The following MFHAS1 variants were observed in gnomAD, a reference collection of about 807,000 sequenced individuals.
MFHAS1 encodes malignant fibrous histiocytoma-amplified sequence 1.
MFHAS1 carries 50 observed loss-of-function variants against 70.4 expected under a neutral mutation model. The ratio of observed to expected loss-of-function variants is 0.71; its 90% confidence interval spans 0.57 to 0.90. MFHAS1 has a LOEUF of 0.90. Among genes scored for constraint, MFHAS1 ranks in the 40% least tolerant of loss-of-function variants. MFHAS1 has a pLI of 0.00. For missense variants in MFHAS1, 1,795 were observed against 1,347.6 expected, an observed-to-expected ratio of 1.33 and a Z score of -5.20; for synonymous variants, 952 against 620.0, an observed-to-expected ratio of 1.54 and a Z score of -7.96.
At chr8:8,819,086 A>T (rs1012789549) in intron 1 of MFHAS1, among the ~76,000 whole-genome samples, 2 of 151,006 alleles carry the variant, frequency 1.3e-5, no homozygotes, top group African/African-American at 4.8e-5. Flanking sequence ...GTCGGCTTAT[A>T]TAATGGAATA....
At chr8:8,831,260 G>T (rs1807376860) in intron 1 of MFHAS1, among the ~76,000 whole-genome samples, 1 of 151,900 alleles carries the variant, frequency 6.6e-6, no homozygotes, top group Non-Finnish European at 1.5e-5. Flanking sequence ...TATACATTGG[G>T]GGTTGGGGCT....
chr8:8,831,049 G>A (rs939532318), intron 1 of MFHAS1, among the ~76,000 whole-genome samples: 1 of 151,960 alleles, frequency 6.6e-6, no homozygotes, highest in African/African-American at 2.4e-5. Flanking sequence ...CCAAGATCAG[G>A]GTGCCTGCAT....
chr8:8,888,135 T>C (rs527529321), intron 1 of MFHAS1, among the ~76,000 whole-genome samples: 1 of 152,330 alleles, frequency 6.6e-6, no homozygotes, highest in South Asian at 2.1e-4. Context: ...CTGAAGAGTC[T>C]ACCAAGTCAT....
chr8:8,860,190 A>G (rs543759196), intron 1 of MFHAS1, among the ~76,000 whole-genome samples: 1 of 152,318 alleles, frequency 6.6e-6, no homozygotes, highest in Admixed American at 6.5e-5. Flanking sequence ...CCACAGAAAG[A>G]GCACAGAACA....
At chr8:8,833,736 A>G (rs1419633708) in intron 1 of MFHAS1, among the ~76,000 whole-genome samples, 3 of 152,238 alleles carry the variant, frequency 2.0e-5, no homozygotes, top group Non-Finnish European at 2.9e-5. Context: ...GCTTACACAA[A>G]GCCTTACATG....
intron 1 of MFHAS1, among the ~76,000 whole-genome samples, chr8:8,820,798 A>T (rs923768308): frequency 6.6e-6 from 1 of 152,210 alleles, no homozygotes; most frequent in East Asian, 1.9e-4. Context: ...GGTGGCCTTG[A>T]CCAAGTGCGA....
chr8:8,890,019 T>C, intron 1 of MFHAS1, 42 bp downstream of exon 1: 1 of 1,469,750 alleles, frequency 6.8e-7, no homozygotes, highest in Middle Eastern at 1.8e-4. Flanking sequence ...AAAACATATC[T>C]TACAGCATAC....
Position 8,892,658 on chromosome 8 carries a change from A to G in MFHAS1, c.401T>C (p.Leu134Pro). 1 of 1,591,890 alleles carries G rather than the reference A, an allele frequency of 6.3e-7. No individual in the cohort carries two copies. The highest frequency in any genetic ancestry group is 1.8e-5 in the Admixed American group (1 of 56,508). Residue 134 changes from leucine to proline, a missense_variant, in exon 1 of 3, where the codon CTG (leucine) becomes CCG (proline). Physicochemically the swap from Leu to Pro is moderately conservative, Grantham distance 98 (BLOSUM62 -3). Transcript: ENST00000276282. This position sits in a 1 kb window ranked among gnomAD's most constrained non-coding sequence, Gnocchi z 4.7. Reference sequence around the variant, plus strand: ...GAGGTTGAGCTTCCGCAGCTCCCTCAGAGCACTCACCACCTCCGCGCCCAG... The same window carrying G: ...GAGGTTGAGCTTCCGCAGCTCCCTCGGAGCACTCACCACCTCCGCGCCCAG... ...TALGAEVVSA[L>P]RELRKLNLSH...
At chr8:8,861,574 A>T (rs1465539641) in intron 1 of MFHAS1, among the ~76,000 whole-genome samples, 1 of 152,234 alleles carries the variant, frequency 6.6e-6, no homozygotes, top group Non-Finnish European at 1.5e-5. Context: ...TAAATTAACA[A>T]GATATAATAA....
intron 1 of MFHAS1, among the ~76,000 whole-genome samples, chr8:8,872,224 G>A (rs940956199): frequency 1.1e-4 from 16 of 152,186 alleles, no homozygotes; most frequent in African/African-American, 3.6e-4. Context: ...TATGACCAAA[G>A]AATCGGGATT....
chr8:8,863,776 T>C (rs1416863314), intron 1 of MFHAS1, among the ~76,000 whole-genome samples: 1 of 152,202 alleles, frequency 6.6e-6, no homozygotes, highest in Non-Finnish European at 1.5e-5. Context: ...AATCTATTAA[T>C]ATGCAGTTTC....
At chr8:8,869,694 T>C (rs1477757984) in intron 1 of MFHAS1, among the ~76,000 whole-genome samples, 1 of 152,210 alleles carries the variant, frequency 6.6e-6, no homozygotes, top group Non-Finnish European at 1.5e-5. Context: ...GCTTTCTGTT[T>C]TTTAAAACAT....
At chr8:8,786,913 C>T (rs1805563542) in intron 2 of MFHAS1, among the ~76,000 whole-genome samples, 1 of 151,886 alleles carries the variant, frequency 6.6e-6, no homozygotes, top group African/African-American at 2.4e-5. Context: ...ATAACGACAT[C>T]ACCAAAACAA....
At chr8:8,807,563 T>A (rs1806340584) in intron 1 of MFHAS1, among the ~76,000 whole-genome samples, 1 of 152,210 alleles carries the variant, frequency 6.6e-6, no homozygotes, top group African/African-American at 2.4e-5. Context: ...TTGCCTTTCA[T>A]CAGTTGATTT....
intron 1 of MFHAS1, among the ~76,000 whole-genome samples, chr8:8,822,592 C>T (rs1807002504): frequency 7.0e-6 from 1 of 143,434 alleles, no homozygotes; most frequent in African/African-American, 2.7e-5. Context: ...GGGACCAAAT[C>T]AGGGGGAATG....
chr8:8,806,885 C>T (rs1047617247), intron 1 of MFHAS1, among the ~76,000 whole-genome samples: 2 of 151,884 alleles, frequency 1.3e-5, no homozygotes, highest in Non-Finnish European at 2.9e-5. Context: ...CGCTTGAACC[C>T]GGGAGGCAGA....
chr8:8,817,400 T>C (rs1174477006), intron 1 of MFHAS1, among the ~76,000 whole-genome samples: 3 of 152,266 alleles, frequency 2.0e-5, no homozygotes, highest in South Asian at 2.1e-4. Flanking sequence ...GTATGGGCAG[T>C]TGCCAACCTA....
intron 2 of MFHAS1, among the ~76,000 whole-genome samples, chr8:8,795,266 G>C (rs1052710194): frequency 1.3e-5 from 2 of 152,058 alleles, no homozygotes; most frequent in African/African-American, 4.8e-5. Flanking sequence ...CCTCACCCAG[G>C]TGTATCTGAA....
intron 1 of MFHAS1, among the ~76,000 whole-genome samples, chr8:8,872,950 A>T (rs1809136567): frequency 6.6e-6 from 1 of 152,172 alleles, no homozygotes. Flanking sequence ...TGCAAGAGTG[A>T]GACGGAGACA....
Sources: allele counts gnomAD v4.1 joint callset (sites outside exome capture counted in the v4.1 genomes callset), GRCh38; gene constraint gnomAD v4.1.1; non-coding constraint Gnocchi (gnomAD v3.1); transcripts MANE v1.5; gene names NCBI Gene and HGNC (gene_info 2026-07-23, HGNC 2026-07-21).